The following NSMCE2 variants were observed in gnomAD, a reference collection of about 807,000 sequenced individuals.
NSMCE2 encodes NSE2 SUMO ligase component of SMC5/6 complex.
Under a neutral mutation model 23.8 loss-of-function variants are expected in NSMCE2, and 24 were observed. That is an observed-to-expected ratio of 1.01 (90% confidence interval 0.73 to 1.42). The LOEUF (loss-of-function observed/expected upper bound fraction) is 1.42, where lower values mean the gene tolerates loss of function less well. Among genes scored for constraint, NSMCE2 ranks in the 40% most tolerant of loss-of-function variants. The pLI, the probability that NSMCE2 is intolerant of heterozygous loss-of-function variation, is 0.00. For missense variants in NSMCE2, 284 were observed against 296.5 expected (o/e 0.96, Z 0.31); for synonymous variants, 92 against 94.1 (o/e 0.98, Z 0.13).
intron 5 of NSMCE2, among the ~76,000 whole-genome samples, chr8:125,355,699 CAA>C (rs140692089): frequency 2.1e-4 from 10 of 46,754 alleles, no homozygotes; most frequent in East Asian, 7.6e-4. Context: ...GACTCCATCT[CAA>C]AAAAAAAAAA....
At chr8:125,361,874 A>G (rs1339721872) in intron 7 of NSMCE2, among the ~76,000 whole-genome samples, 1 of 152,192 alleles carries the variant, frequency 6.6e-6, no homozygotes, top group Admixed American at 6.5e-5. Context: ...AGAGGTCTCT[A>G]TAGACCTTCT....
rs139167074 is a variant in NSMCE2 at position 125,182,300 on chromosome 8, G to A, written c.418+44G>A. 90 of 1,482,766 alleles carry A rather than the reference G, an allele frequency of 6.1e-5. No individual in the cohort carries two copies. The East Asian group carries it at 1.6e-3, about 27-fold the overall frequency. 91.9% of individuals were successfully genotyped at this position (1,482,766 alleles called of 1,614,324 possible). The stretch of plus-strand genomic sequence containing the variant: ...CTTTGGTTCGGCTTTTTGAAATTAG[G>A]GAACTGACTTGATGAACAGCCCCAG... On this transcript the variant is annotated intron_variant, in intron 5 of 7. Coordinates refer to ENST00000287437, the MANE Select transcript of NSMCE2 (RefSeq NM_173685.4).
intron 4 of NSMCE2, among the ~76,000 whole-genome samples, chr8:125,181,108 G>A (rs983170347): frequency 6.6e-6 from 1 of 152,178 alleles, no homozygotes; most frequent in Non-Finnish European, 1.5e-5. Flanking sequence ...AAGGCCTGAT[G>A]GAGAGCAGCT....
intron 3 of NSMCE2, among the ~76,000 whole-genome samples, chr8:125,106,025 A>T (rs1818440107): frequency 7.0e-6 from 1 of 143,338 alleles, no homozygotes; most frequent in Non-Finnish European, 1.5e-5. Flanking sequence ...TATGTATATG[A>T]ATACATGCGT....
chr8:125,169,685 A>G (rs1044624127), intron 4 of NSMCE2, among the ~76,000 whole-genome samples: 2 of 151,712 alleles, frequency 1.3e-5, no homozygotes, highest in African/African-American at 4.8e-5. Flanking sequence ...CTTCTCCTAT[A>G]TTTCTTATCT....
At chr8:125,292,220 G>A (rs1380702474) in intron 5 of NSMCE2, among the ~76,000 whole-genome samples, 6 of 141,760 alleles carry the variant, frequency 4.2e-5, no homozygotes, top group African/African-American at 7.7e-5. Context: ...GCTATGGGAG[G>A]AAAAAAAAAA....
At chr8:125,331,557 G>A (rs1829876833) in intron 5 of NSMCE2, among the ~76,000 whole-genome samples, 1 of 151,946 alleles carries the variant, frequency 6.6e-6, no homozygotes, top group Admixed American at 6.6e-5. Context: ...GAAAACTATA[G>A]ATTTTCTCCT....
intron 4 of NSMCE2, among the ~76,000 whole-genome samples, chr8:125,176,355 T>C (rs1225323981): frequency 6.6e-6 from 1 of 152,228 alleles, no homozygotes; most frequent in Non-Finnish European, 1.5e-5. Flanking sequence ...TCCTAAACTT[T>C]GTGGATATTT....
chr8:125,325,304 ATAAAATAAAATAAAATAAAG>A (rs901210542), intron 5 of NSMCE2, among the ~76,000 whole-genome samples: 39 of 107,032 alleles, frequency 3.6e-4, no homozygotes, highest in East Asian at 6.3e-4. Context: ...TTAAAATAAA[ATAAAATAAAATAAAATAAAG>A]TAAAATAAAA....
At chr8:125,099,927 G>C (rs945839880) in intron 1 of NSMCE2, among the ~76,000 whole-genome samples, 19 of 152,116 alleles carry the variant, frequency 1.2e-4, no homozygotes, top group Non-Finnish European at 2.5e-4. Context: ...TGATTCAGTA[G>C]AGAGGGAAAA....
At chr8:125,327,646 C>T (rs757911344) in intron 5 of NSMCE2, among the ~76,000 whole-genome samples, 3 of 151,684 alleles carry the variant, frequency 2.0e-5, no homozygotes, top group Non-Finnish European at 2.9e-5. Context: ...TTTGTCCATA[C>T]AGGTGTTGGG....
At chr8:125,351,520 G>C (rs1405928505) in intron 5 of NSMCE2, 1 of 152,082 alleles carries the variant, frequency 6.6e-6, no homozygotes, top group Admixed American at 6.6e-5. Flanking sequence ...CAGTCCATTG[G>C]TCACAAGTTG....
At chr8:125,282,252 T>C (rs1827725278) in intron 5 of NSMCE2, among the ~76,000 whole-genome samples, 2 of 152,054 alleles carry the variant, frequency 1.3e-5, no homozygotes, top group Non-Finnish European at 2.9e-5. Context: ...TAGCTGGGAT[T>C]ACAGGCGCAT....
At chr8:125,301,117 C>T (rs1422714675) in intron 5 of NSMCE2, among the ~76,000 whole-genome samples, 1 of 152,192 alleles carries the variant, frequency 6.6e-6, no homozygotes, top group Non-Finnish European at 1.5e-5. Flanking sequence ...CTGAAATGAA[C>T]AATCTATGTG....
intron 5 of NSMCE2, among the ~76,000 whole-genome samples, chr8:125,256,922 C>CA (rs60308659): frequency 0.028 from 735 of 26,060 alleles, 228 homozygotes; most frequent in South Asian, 0.051. Flanking sequence ...GACTCTGTGT[C>CA]AAAAAAAAAA....
At chr8:125,153,513 T>C (rs1384002573) in intron 4 of NSMCE2, among the ~76,000 whole-genome samples, 4 of 152,220 alleles carry the variant, frequency 2.6e-5, no homozygotes, top group Non-Finnish European at 5.9e-5. Context: ...CTAAGGATAC[T>C]GCTATCTTAT....
At position 125,102,324 on chromosome 8, in the gene NSMCE2, T is replaced by C. The variant is rs1818232284; in HGVS notation, c.-7T>C. The C allele has an allele frequency of 2.5e-6, 4 of 1,610,818 alleles. No individual in the cohort carries two copies. In the East Asian group the frequency reaches 8.9e-5, roughly 36 times the overall value. ...TTGTGTTTGAAAACTTAGGTACTAA[T>C]TTCAAGATGCCAGGACGTTCCAGTT... On this transcript the variant is annotated 5_prime_UTR_variant, in exon 3 of 8. Transcript: ENST00000287437.
intron 1 of NSMCE2, among the ~76,000 whole-genome samples, chr8:125,093,373 G>A (rs1817769449): frequency 6.6e-6 from 1 of 152,062 alleles, no homozygotes. Flanking sequence ...TTAGCATATG[G>A]GTAAGATGTG....
At chr8:125,260,275 G>C (rs1826631162) in intron 5 of NSMCE2, among the ~76,000 whole-genome samples, 1 of 152,176 alleles carries the variant, frequency 6.6e-6, no homozygotes, top group African/African-American at 2.4e-5. Context: ...TAAGTCACTA[G>C]TGTTAGCCCA....
Sources: gnomAD v4.1 joint callset for allele counts (sites outside exome capture counted in the v4.1 genomes callset) on GRCh38, gnomAD v4.1.1 for gene constraint, MANE v1.5 for transcripts, NCBI Gene and HGNC (gene_info 2026-07-23, HGNC 2026-07-21) for gene names.